Variants in ITPR2 observed in about 807,000 individuals in gnomAD.
ITPR2 encodes inositol 1,4,5-trisphosphate receptor type 2.
In ITPR2, 207 loss-of-function variants were observed where a neutral mutation model predicts 317.1. That is an observed-to-expected ratio of 0.65 (90% CI 0.58 to 0.73). The LOEUF is 0.73. ITPR2 is among the 30% of genes least tolerant of loss of function. The probability of loss-of-function intolerance (pLI) is 0.00; values close to 1 mark genes in which losing one functional copy is unlikely to be tolerated. For synonymous variants in ITPR2, 1,156 were observed against 1,149.1 expected, an observed-to-expected ratio of 1.01 and a Z score of -0.12; for missense variants, 2,613 against 3,284.0, an observed-to-expected ratio of 0.80 and a Z score of 4.99.
At chr12:26,608,592 T>C (rs7305191) in intron 26 of ITPR2, among the ~76,000 whole-genome samples, 106,149 of 149,302 alleles carry the variant, frequency 0.71, 37,728 homozygotes, top group East Asian at 0.95. Context: ...ATTGAGGAGC[T>C]CCTCTGCTTG....
intron 41 of ITPR2, among the ~76,000 whole-genome samples, chr12:26,485,514 A>C (rs1942645666): frequency 6.6e-6 from 1 of 152,192 alleles, no homozygotes; most frequent in Non-Finnish European, 1.5e-5. Context: ...CAATGCAAAA[A>C]AGAGGCCAAA....
intron 52 of ITPR2, among the ~76,000 whole-genome samples, chr12:26,410,407 C>A (rs1255069817): frequency 6.6e-6 from 1 of 152,102 alleles, no homozygotes; most frequent in Admixed American, 6.6e-5. Context: ...AGGGTCTATT[C>A]ATTATTCCTC....
chr12:26,474,725 C>T lies in ITPR2; in HGVS notation c.6342+571G>A, dbSNP rs373127515. Among the ~76,000 whole-genome samples the T allele has an allele frequency of 6.3e-5, 8 of 127,970 alleles. No individual in the cohort carries two copies. The East Asian group carries it at 7.5e-4, about 12-fold the overall frequency. 84.0% of individuals were successfully genotyped at this position (127,970 alleles called of 152,430 possible). ...AGGAGAATGGCGTGAACCCGGGAGG[C>T]GGAGCTTGCAGTGAGCCGAGATCCC... On this transcript the variant is annotated intron_variant, in intron 45 of 56. Coordinates refer to ENST00000381340, the MANE Select transcript of ITPR2 (RefSeq NM_002223.4).
At chr12:26,735,408 G>C (rs979579020) in intron 2 of ITPR2, among the ~76,000 whole-genome samples, 3 of 151,938 alleles carry the variant, frequency 2.0e-5, no homozygotes, top group Non-Finnish European at 4.4e-5. Flanking sequence ...GAGAAGGGAA[G>C]GACAAGGGAA....
Position 26,439,161 on chromosome 12 carries a change from G to A in ITPR2, c.6609C>T (p.Leu2203=). Reference sequence around the variant, plus strand: ...TCTTCTGCCACTTCATTTCATTGTAGAGATCTTCTGTTTGCTGGAAAAAGT... The same window carrying A: ...TCTTCTGCCACTTCATTTCATTGTAAAGATCTTCTGTTTGCTGGAAAAAGT... ...VNDFFQQTED[L]YNEMKWQKKI... Residue 2203 remains leucine (L), a synonymous_variant, in exon 47 of 57, where the codon CTC becomes CTT. Transcript: ENST00000381340. 1.9e-6 allele frequency: 3 copies of A among 1,610,814 alleles called. No homozygotes were observed. Among genetic ancestry groups the A allele is most frequent in the Non-Finnish European group, 2.5e-6 (3 of 1,178,516 alleles).
chr12:26,811,679 T>A (rs1288281560), intron 1 of ITPR2, among the ~76,000 whole-genome samples: 2 of 123,492 alleles, frequency 1.6e-5, no homozygotes, highest in Admixed American at 8.4e-5. Flanking sequence ...AGCGAGACTC[T>A]GTCTCAAAAA....
chr12:26,584,863 C>T (rs1417337177), intron 32 of ITPR2, among the ~76,000 whole-genome samples: 2 of 152,176 alleles, frequency 1.3e-5, no homozygotes, highest in Non-Finnish European at 1.5e-5. Flanking sequence ...TAGTATTTTA[C>T]ATAAACAGTA....
Position 26,628,270 on chromosome 12 carries a change from C to T in ITPR2, c.2935-108G>A. On this transcript the variant is annotated intron_variant, in intron 22 of 56. Transcript: ENST00000381340. Reference sequence around the variant, plus strand: ...TGGAAGTACCAACCTTTCAAAGGAACTAGTTAGAAGCTTTTAACACCAGTT... The same window carrying T: ...TGGAAGTACCAACCTTTCAAAGGAATTAGTTAGAAGCTTTTAACACCAGTT... 3.7e-6 allele frequency: 3 copies of T among 801,204 alleles called. No homozygotes were observed. The South Asian group carries it at 6.5e-5, about 17-fold the overall frequency. The allele number at this position is 801,204 out of a possible 1,614,324, so 49.6% of individuals were successfully genotyped here.
At position 26,528,230 on chromosome 12, in the gene ITPR2, C is replaced by CA. The variant is rs1463865079; in HGVS notation, c.5073+22016dup. 3.3e-5 allele frequency among the ~76,000 whole-genome samples: 5 copies of CA among 152,308 alleles called. No homozygotes were observed. The East Asian group carries it at 9.7e-4, about 29-fold the overall frequency. Reference sequence around the variant, plus strand: ...CAACCTGAAAGATTCCTATGACTTTCAATGGTTCCAGCTCCTGAGAGAGGG... The same window carrying CA: ...CAACCTGAAAGATTCCTATGACTTTCAAATGGTTCCAGCTCCTGAGAGAGGG... On this transcript the variant is annotated intron_variant, in intron 37 of 56. Transcript: ENST00000381340.
chr12:26,436,670 A>C (rs1941358534), intron 47 of ITPR2, among the ~76,000 whole-genome samples: 1 of 152,208 alleles, frequency 6.6e-6, no homozygotes, highest in Non-Finnish European at 1.5e-5. Flanking sequence ...GCAGTTTAGC[A>C]GTTGCCTGGG....
rs1032949485 is a variant in ITPR2 at position 26,596,987 on chromosome 12, C to T, written c.4150G>A (p.Ala1384Thr). 1.2e-6 allele frequency: 2 copies of T among 1,613,554 alleles called. No individual in the cohort carries two copies. The highest frequency in any genetic ancestry group is 1.7e-6 in the Non-Finnish European group (2 of 1,179,812). ...TAGACATTTTTCCCCTCTGTGCATG[C>T]TGCCAGCAACTCCACCAGGGTGATG... ...YHITLVELLA[A>T]CTEGKNVYTE... is the part of the protein sequence containing the mutation. The change falls in exon 31 of 57, where the codon GCA becomes ACA. Residue 1384 changes from alanine (A) to threonine (T), a missense_variant. Transcript: ENST00000381340.
At chr12:26,391,102 T>C (rs1939820589) in intron 54 of ITPR2, among the ~76,000 whole-genome samples, 1 of 152,142 alleles carries the variant, frequency 6.6e-6, no homozygotes, top group Non-Finnish European at 1.5e-5. Context: ...TTATGGTAAG[T>C]GGAGAAGAAG....
intron 55 of ITPR2, among the ~76,000 whole-genome samples, chr12:26,351,623 C>G (rs1357713134): frequency 2.0e-5 from 3 of 152,090 alleles, no homozygotes; most frequent in Non-Finnish European, 4.4e-5. Flanking sequence ...CCACTATACT[C>G]CAGCCTGGGT....
chr12:26,381,647 C>T (rs920981743), intron 55 of ITPR2, among the ~76,000 whole-genome samples: 2 of 152,202 alleles, frequency 1.3e-5, no homozygotes, highest in Non-Finnish European at 2.9e-5. Context: ...TTGTCTTCAT[C>T]AACACTGCTG....
At chr12:26,493,898 AT>A (rs1942869089) in intron 39 of ITPR2, 1 of 325,634 alleles carries the variant, frequency 3.1e-6, no homozygotes, top group South Asian at 5.8e-5. Flanking sequence ...AGGTGAGCAT[AT>A]TGCTCACTGT....
At chr12:26,500,016 GTTATGTCTTAGTAATCTTCAT>G (rs1376897316) in intron 37 of ITPR2, among the ~76,000 whole-genome samples, 1 of 152,180 alleles carries the variant, frequency 6.6e-6, no homozygotes, top group Non-Finnish European at 1.5e-5. Context: ...ACAAGATTCT[GTTATGTCTTAGTAATCTTCAT>G]TTAAGAATAA....
intron 55 of ITPR2, among the ~76,000 whole-genome samples, chr12:26,353,322 T>C (rs966203117): frequency 2.6e-5 from 4 of 152,250 alleles, no homozygotes; most frequent in African/African-American, 9.6e-5. Context: ...AAGATCATCT[T>C]GCTCCTTAAA....
At chr12:26,373,872 G>A (rs1230162540) in intron 55 of ITPR2, 1 of 152,172 alleles carries the variant, frequency 6.6e-6, no homozygotes, top group East Asian at 1.9e-4. Flanking sequence ...TGTATTCTTT[G>A]GAAAATGAAA....
chr12:26,641,053 T>A (rs1378208217), intron 21 of ITPR2, among the ~76,000 whole-genome samples: 4 of 152,142 alleles, frequency 2.6e-5, no homozygotes, highest in Admixed American at 6.6e-5. Context: ...AGAAAGATCC[T>A]TACGTTGGAA....
Sources: gnomAD v4.1 joint callset for allele counts (sites outside exome capture counted in the v4.1 genomes callset) on GRCh38, gnomAD v4.1.1 for gene constraint, MANE v1.5 for transcripts, NCBI Gene and HGNC (gene_info 2026-07-23, HGNC 2026-07-21) for gene names.